Variants in LRRC15 observed in about 807,000 individuals in gnomAD.
The protein encoded by LRRC15 is leucine rich repeat containing 15.
In LRRC15, 5 loss-of-function variants were observed where a neutral mutation model predicts 4.3. That is an observed-to-expected ratio of 1.16 (90% confidence interval 0.61 to 2.44). The LOEUF (loss-of-function observed/expected upper bound fraction) is 2.44. Ranked by LOEUF, LRRC15 falls within the 30% of genes most tolerant of loss-of-function variation. The pLI, the probability that LRRC15 is intolerant of heterozygous loss-of-function variation, is 0.01. For synonymous variants in LRRC15, 337 were observed against 323.2 expected (o/e 1.04, Z -0.46); for missense variants, 769 against 747.0 (o/e 1.03, Z -0.34).
At position 194,356,049 on chromosome 3, in the gene LRRC15, G is replaced by T. The variant is rs542176439; in HGVS notation, c.*3249C>A. 3.3e-5 allele frequency: 5 copies of T among 152,282 alleles called. No homozygotes were observed. Among genetic ancestry groups the T allele is most frequent in the Non-Finnish European group, 7.3e-5 (5 of 68,034 alleles). 9.4% of individuals were successfully genotyped at this position (152,282 alleles called of 1,614,324 possible). On this transcript the variant is annotated 3_prime_UTR_variant, in exon 2 of 2. Coordinates refer to ENST00000347624, the MANE Select transcript of LRRC15 (RefSeq NM_130830.5). ...CTTCCATTTCCTTTGGTTTAATGAC[G>T]AAAGCCCAAGACAAGCCATGAGCTC...
chr3:194,366,981 A>G (rs1713801222), intron 1 of LRRC15, among the ~76,000 whole-genome samples: 1 of 152,178 alleles, frequency 6.6e-6, no homozygotes, highest in African/African-American at 2.4e-5. Context: ...AGGGCCTGGG[A>G]TTGGGGAGGA....
chr3:194,365,695 C>T (rs1713754757), intron 1 of LRRC15, among the ~76,000 whole-genome samples: 3 of 152,154 alleles, frequency 2.0e-5, no homozygotes, highest in Admixed American at 2.0e-4. Flanking sequence ...CCCCAGAGGA[C>T]CTGCTGGACC....
Position 194,359,222 on chromosome 3 carries a change from A to T in LRRC15, c.*76T>A. 1 of 1,372,366 alleles carries T rather than the reference A, an allele frequency of 7.3e-7. No homozygotes were observed. The highest frequency in any genetic ancestry group is 9.9e-7 in the Non-Finnish European group (1 of 1,007,918). 85.0% of individuals were successfully genotyped at this position (1,372,366 alleles called of 1,614,324 possible). A position where few individuals can be genotyped will look rare whatever the true frequency, so the allele number is the denominator to read the frequency against. ...AATCACGGGAAAGCTCCATGGACCC[A>T]GGGGTGGAGGCAGAAAGATGAAATT... On this transcript the variant is annotated 3_prime_UTR_variant, in exon 2 of 2. Transcript: ENST00000347624.
At chr3:194,363,523 A>G (rs1713695816) in intron 1 of LRRC15, 1 of 468,154 alleles carries the variant, frequency 2.1e-6, no homozygotes, top group Non-Finnish European at 3.9e-6. Context: ...TATTCACCCT[A>G]GGAGAAGACT....
Position 194,365,344 on chromosome 3 carries a change from G to C in LRRC15, c.-3-4298C>G, listed in dbSNP as rs149171202. Among the ~76,000 whole-genome samples the C allele has an allele frequency of 5.1e-3, 778 of 152,300 alleles. 5 individuals are homozygous for C. The highest frequency in any genetic ancestry group is 0.018 in the African/African-American group (746 of 41,566). On this transcript the variant is annotated intron_variant, in intron 1 of 1. Transcript: ENST00000347624. ...TCTCAGCAGAAGCACCGTGACTCAC[G>C]AGCAAACGCGTAATTAGCCTCGAAG... is the stretch of plus-strand genomic sequence containing the variant.
At chr3:194,367,868 AG>A (rs1165169240) in intron 1 of LRRC15, among the ~76,000 whole-genome samples, 2 of 152,264 alleles carry the variant, frequency 1.3e-5, no homozygotes, top group Non-Finnish European at 2.9e-5. Context: ...TCAGTTAAAA[AG>A]CGCAATTCCT....
rs1713588320 is a variant in LRRC15, at chr3:194,360,524, C to T, written c.520G>A (p.Gly174Arg). The T allele has an allele frequency of 2.5e-6, 4 of 1,614,048 alleles. No homozygotes were observed. Among genetic ancestry groups the T allele is most frequent in the Non-Finnish European group, 3.4e-6 (4 of 1,180,026 alleles). The change falls in exon 2 of 2, where the codon GGA becomes AGA. Residue 174 changes from glycine (G) to arginine (R), a missense_variant. Physicochemically the swap from Gly to Arg is moderately radical, Grantham distance 125. Transcript: ENST00000347624. The part of the protein sequence containing the change: ...IPDGAFDHLV[G>R]LTKLNLGKNS... ...TTGCCCAGATTGAGCTTCGTGAGTC[C>T]TACCAGGTGGTCGAAGGCTCCGTCA...
rs757937032 is a variant in LRRC15 at position 194,360,114 on chromosome 3, G to T, written c.930C>A (p.Asp310Glu). 4.4e-5 allele frequency: 71 copies of T among 1,614,124 alleles called. No individual in the cohort carries two copies. In the East Asian group the frequency reaches 1.6e-3, roughly 35 times the overall value. ...LYDNHISSLPDNVFSNLRQLQ... is the reference protein window; with the variant it reads ...LYDNHISSLPENVFSNLRQLQ... ...ACTGGCGGAGGTTGCTGAAGACATT[G>T]TCGGGTAGAGAAGAGATGTGGTTGT... Residue 310 changes from aspartate (D) to glutamate (E), a missense_variant, in exon 2 of 2, where the codon GAC becomes GAA. Asp to Glu is a conservative substitution (Grantham distance 45). Transcript: ENST00000347624.
chr3:194,359,565 T>C lies in LRRC15; in HGVS notation c.1479A>G (p.Thr493=), dbSNP rs540171723. The change falls in exon 2 of 2, where the codon ACA becomes ACG. Residue 493 remains threonine (T), a synonymous_variant. Coordinates refer to ENST00000347624, the MANE Select transcript of LRRC15 (RefSeq NM_130830.5). ...SYPETPWYPD[T]PSYPDTTSVS... is the part of the protein sequence containing the mutation. ...CGGATGTGGTGTCAGGGTAACTGGG[T>C]GTGTCTGGGTACCATGGTGTTTCTG... 24 of 1,613,960 alleles carry C rather than the reference T, an allele frequency of 1.5e-5. No individual in the cohort carries two copies. In the East Asian group the frequency reaches 4.9e-4, roughly 33 times the overall value.
intron 1 of LRRC15, among the ~76,000 whole-genome samples, chr3:194,363,158 C>G (rs1713683088): frequency 6.6e-6 from 1 of 152,086 alleles, no homozygotes; most frequent in African/African-American, 2.4e-5. Context: ...TCAGGCTGGT[C>G]TTGATCTCCT....
At chr3:194,366,625 T>C (rs1033933913) in intron 1 of LRRC15, among the ~76,000 whole-genome samples, 8 of 151,982 alleles carry the variant, frequency 5.3e-5, no homozygotes, top group African/African-American at 1.9e-4. Context: ...GCCACAGGCC[T>C]GGCCCCATCC....
chr3:194,366,657 C>A (rs1037392282), intron 1 of LRRC15, among the ~76,000 whole-genome samples: 2 of 152,106 alleles, frequency 1.3e-5, no homozygotes, highest in African/African-American at 4.8e-5. Flanking sequence ...TTTCTCTCAG[C>A]GGCCCCTTCC....
At position 194,358,977 on chromosome 3, in the gene LRRC15, A is replaced by G. The variant is rs894727563; in HGVS notation, c.*321T>C. ...AGAGGCCCGGAGGGGGCCTGGGCGC[A>G]GGGAAGGCTGTTCTTGGAGGACAGG... is the stretch of plus-strand genomic sequence containing the variant. On this transcript the variant is annotated 3_prime_UTR_variant, in exon 2 of 2. Coordinates refer to ENST00000347624, the MANE Select transcript of LRRC15 (RefSeq NM_130830.5). The G allele has an allele frequency of 2.0e-5, 5 of 249,414 alleles. No individual in the cohort carries two copies. Among genetic ancestry groups the G allele is most frequent in the Non-Finnish European group, 3.9e-5 (5 of 129,836 alleles). 15.5% of individuals were successfully genotyped at this position (249,414 alleles called of 1,614,324 possible).
chr3:194,362,424 G>A (rs113691495), intron 1 of LRRC15, among the ~76,000 whole-genome samples: 5,310 of 152,202 alleles, frequency 0.035, 110 homozygotes, highest in African/African-American at 0.063. Context: ...CTCAAGTCAG[G>A]AGGGCTTCAA....
At chr3:194,366,439 G>A (rs941791954) in intron 1 of LRRC15, among the ~76,000 whole-genome samples, 13 of 152,178 alleles carry the variant, frequency 8.5e-5, no homozygotes, top group Non-Finnish European at 1.5e-4. Flanking sequence ...AGGTCTCAGC[G>A]GGGCCCAGGA....
rs1268404204 is a variant in LRRC15 at position 194,360,042 on chromosome 3, C to T, written c.1002G>A (p.Pro334=). Residue 334 remains proline, a synonymous_variant, in exon 2 of 2, where the codon CCG becomes CCA. Coordinates refer to ENST00000347624, the MANE Select transcript of LRRC15 (RefSeq NM_130830.5). ...GCTCCGTTAGCCCGTTGAAGGCACC[C>T]GGGGAGATGAAGCTGATCTGATTGC... ...LSRNQISFIS[P]GAFNGLTELR... 10 of 1,614,036 alleles carry T rather than the reference C, an allele frequency of 6.2e-6. No individual in the cohort carries two copies. Among genetic ancestry groups the T allele is most frequent in the African/African-American group, 2.7e-5 (2 of 74,926 alleles).
In LRRC15 at chr3:194,359,730, G is replaced by A. The variant is rs769701703; in HGVS notation, c.1314C>T (p.Leu438=). The change falls in exon 2 of 2, where the codon CTC becomes CTT. Residue 438 remains leucine, a synonymous_variant. Transcript: ENST00000347624. ...DSDILPLRNW[L]LLNQPRLGTD... is the part of the protein sequence containing the mutation. Reference sequence around the variant, plus strand: ...TCCCTAACCTAGGCTGGTTGAGCAGGAGCCAGTTGCGGAGCGGAAGGATGT... The same window carrying A: ...TCCCTAACCTAGGCTGGTTGAGCAGAAGCCAGTTGCGGAGCGGAAGGATGT... The A allele has an allele frequency of 7.7e-5, 125 of 1,614,094 alleles. No individual in the cohort carries two copies. The highest frequency in any genetic ancestry group is 1.0e-4 in the Non-Finnish European group (123 of 1,180,054).
intron 1 of LRRC15, among the ~76,000 whole-genome samples, chr3:194,362,051 G>A (rs111508834): frequency 6.6e-6 from 1 of 152,110 alleles, no homozygotes; most frequent in African/African-American, 2.4e-5. Context: ...GTCAGGTGTG[G>A]CAATGTTCTG....
In LRRC15 at chr3:194,355,752, G is replaced by A. The variant is rs968143093; in HGVS notation, c.*3546C>T. ...TGTCTGCTCTCTGCAAACTTCCTGA[G>A]TTTGGAAGTTCTTTCCCAATAGCTC... On this transcript the variant is annotated 3_prime_UTR_variant, in exon 2 of 2. Transcript: ENST00000347624. 1 of 152,234 alleles carries A rather than the reference G, an allele frequency of 6.6e-6. No individual in the cohort carries two copies. The highest frequency in any genetic ancestry group is 1.5e-5 in the Non-Finnish European group (1 of 68,050). 9.4% of individuals were successfully genotyped at this position (152,234 alleles called of 1,614,324 possible). A position where few individuals can be genotyped will look rare whatever the true frequency, so the allele number is the denominator to read the frequency against.
Sources: allele counts gnomAD v4.1 joint callset (sites outside exome capture counted in the v4.1 genomes callset), GRCh38; gene constraint gnomAD v4.1.1; transcripts MANE v1.5; gene names NCBI Gene and HGNC (gene_info 2026-07-23, HGNC 2026-07-21).